Variants in HIP1R observed in about 807,000 individuals in gnomAD.
HIP1R encodes huntingtin-interacting protein 1-related protein.
In HIP1R, 135 loss-of-function variants were observed where a neutral mutation model predicts 144.2. The ratio of observed to expected loss-of-function variants is 0.94; its 90% CI spans 0.81 to 1.08. HIP1R has a LOEUF of 1.08. Ranked by LOEUF, HIP1R falls within the 50% of genes least tolerant of loss-of-function variation. The pLI, the probability that HIP1R is intolerant of heterozygous loss-of-function variation, is 0.00. For synonymous variants in HIP1R, 698 were observed against 612.8 expected, an observed-to-expected ratio of 1.14 and a Z score of -2.05; for missense variants, 1,462 against 1,432.8, an observed-to-expected ratio of 1.02 and a Z score of -0.33.
Position 122,855,734 on chromosome 12 carries a change from A to G in HIP1R, c.1056-97A>G. 2.7e-6 allele frequency: 4 copies of G among 1,504,020 alleles called. No individual in the cohort carries two copies. The South Asian group carries it at 3.6e-5, about 14-fold the overall frequency. The allele number at this position is 1,504,020 out of a possible 1,614,324, so 93.2% of individuals were successfully genotyped here. On this transcript the variant is annotated intron_variant, in intron 12 of 31. Transcript: ENST00000253083. Reference sequence around the variant, plus strand: ...GGAACATGAACCCGTGAGGTGCCCAAATCCTGAGTGGCCACTGAGGAGGAG... The same window carrying G: ...GGAACATGAACCCGTGAGGTGCCCAGATCCTGAGTGGCCACTGAGGAGGAG...
intron 1 of HIP1R, among the ~76,000 whole-genome samples, chr12:122,838,902 T>C (rs1385221154): frequency 6.6e-6 from 1 of 152,172 alleles, no homozygotes; most frequent in Admixed American, 6.5e-5. Flanking sequence ...GGCGAGGAAA[T>C]GGATTCTTCC....
chr12:122,837,616 G>A (rs544688339), intron 1 of HIP1R, among the ~76,000 whole-genome samples: 4 of 152,320 alleles, frequency 2.6e-5, no homozygotes, highest in African/African-American at 9.6e-5. Flanking sequence ...CTCTCCGAAG[G>A]TGGATTGTTT....
Position 122,857,021 on chromosome 12 carries a change from A to T in HIP1R, c.1621A>T (p.Ser541Cys). The change falls in exon 18 of 32, where the codon AGC becomes TGC. Residue 541 changes from serine (S) to cysteine (C), a missense_variant and splice_region_variant. By Grantham distance (112) the Ser-to-Cys change is moderately radical (BLOSUM62 -1). This residue lies in a region of HIP1R where 1,112 missense variants were observed against 1,011.7 expected (regional missense o/e 1.10). Coordinates refer to ENST00000253083, the MANE Select transcript of HIP1R (RefSeq NM_003959.3). Reference protein sequence around the residue: ...AQEALSHTEQSKSELSSRLDT... With the variant: ...AQEALSHTEQCKSELSSRLDT... ...GCCTGGTGTCCATGTCTGTCCACAGAGCAAGTCGGAGCTGAGCTCACGGCT... is the reference window on the plus strand; with the variant it reads ...GCCTGGTGTCCATGTCTGTCCACAGTGCAAGTCGGAGCTGAGCTCACGGCT... The T allele has an allele frequency of 6.5e-7, 1 of 1,548,774 alleles. No homozygotes were observed. Among genetic ancestry groups the T allele is most frequent in the Non-Finnish European group, 8.7e-7 (1 of 1,146,910 alleles).
At chr12:122,845,100 C>T (rs924162749) in intron 1 of HIP1R, among the ~76,000 whole-genome samples, 1 of 152,240 alleles carries the variant, frequency 6.6e-6, no homozygotes, top group African/African-American at 2.4e-5. Context: ...AGCGGAGCTG[C>T]GTCAAGGACA....
chr12:122,855,136 C>A lies in HIP1R; in HGVS notation c.852+8C>A. 6.2e-7 allele frequency: 1 copy of A among 1,613,414 alleles called. No individual in the cohort carries two copies. The highest frequency in any genetic ancestry group is 8.5e-7 in the Non-Finnish European group (1 of 1,179,932). ...ATCCCCCGGCTGCCCGAGGTACCAC[C>A]CCCAAGAGGGCCCCGAGGCCCTTTG... On this transcript the variant is annotated splice_region_variant and intron_variant, in intron 10 of 31. Transcript: ENST00000253083.
At chr12:122,861,214 G>A (rs534116239) in intron 30 of HIP1R, 22 bp downstream of exon 30, 67 of 1,392,604 alleles carry the variant, frequency 4.8e-5, no homozygotes, top group Middle Eastern at 3.8e-4. Context: ...TGGCTGCCCC[G>A]TGACCTCTGA....
chr12:122,858,789 G>C, intron 20 of HIP1R, 49 bp from the exon 21 acceptor site: 1 of 1,299,722 alleles, frequency 7.7e-7, no homozygotes, highest in Non-Finnish European at 1.1e-6. Flanking sequence ...CCCAGTGCTA[G>C]TGTCTCAGTG....
chr12:122,847,593 G>T (rs552337751), intron 1 of HIP1R, among the ~76,000 whole-genome samples: 1 of 152,322 alleles, frequency 6.6e-6, no homozygotes, highest in South Asian at 2.1e-4. Flanking sequence ...ACAATGTGAT[G>T]TGCACCCTTC....
Position 122,836,338 on chromosome 12 carries a change from A to G in HIP1R, c.93+695A>G, listed in dbSNP as rs769286412. On this transcript the variant is annotated intron_variant, in intron 1 of 31. Coordinates refer to ENST00000253083, the MANE Select transcript of HIP1R (RefSeq NM_003959.3). The surrounding 1 kb of genome is among the most constrained non-coding windows in gnomAD (Gnocchi z 4.1). The stretch of plus-strand genomic sequence containing the variant: ...CCCTCATTAAATACCGGCGCCCGAC[A>G]GACAGAAACTTCCTGGGGCTCCCTT... Among the ~76,000 whole-genome samples the G allele has an allele frequency of 1.1e-4, 16 of 152,160 alleles. No homozygotes were observed. The highest frequency in any genetic ancestry group is 1.9e-4 in the Non-Finnish European group (13 of 68,020).
Position 122,837,812 on chromosome 12 carries a change from G to A in HIP1R, c.93+2169G>A, listed in dbSNP as rs969374089. On this transcript the variant is annotated intron_variant, in intron 1 of 31. Transcript: ENST00000253083. ...GACTTATTGAGGAATGTAAGAATGA[G>A]GTTTTGTACGTGGTTAATATTTAAT... 3.9e-5 allele frequency among the ~76,000 whole-genome samples: 6 copies of A among 152,208 alleles called. No individual in the cohort carries two copies. In the East Asian group the frequency reaches 1.2e-3, roughly 29 times the overall value.
At chr12:122,853,105 T>C (rs2135661885) in intron 7 of HIP1R, among the ~76,000 whole-genome samples, 1 of 152,246 alleles carries the variant, frequency 6.6e-6, no homozygotes. Flanking sequence ...GCTGGCCAGC[T>C]GCCTGCTCTT....
At position 122,862,091 on chromosome 12, in the gene HIP1R, CCTA is replaced by C. The variant is rs2033788472; in HGVS notation, c.*340_*342del. 2 of 276,154 alleles carry C rather than the reference CCTA, an allele frequency of 7.2e-6. No homozygotes were observed. Among genetic ancestry groups the C allele is most frequent in the Non-Finnish European group, 1.4e-5 (2 of 147,510 alleles). The allele number at this position is 276,154 out of a possible 1,614,324, so 17.1% of individuals were successfully genotyped here. Reference sequence around the variant, plus strand: ...AATATTCCGAGCTAGAGCTCTTCTTCCTACGTTTGTAGTCAGCACACTGGGAAA... The same window carrying C: ...AATATTCCGAGCTAGAGCTCTTCTTCCGTTTGTAGTCAGCACACTGGGAAA... On this transcript the variant is annotated 3_prime_UTR_variant, in exon 32 of 32. Transcript: ENST00000253083.
Position 122,836,154 on chromosome 12 carries a change from A to G in HIP1R, c.93+511A>G, listed in dbSNP as rs1388705295. Among the ~76,000 whole-genome samples the G allele has an allele frequency of 6.6e-6, 1 of 151,000 alleles. No homozygotes were observed. Among genetic ancestry groups the G allele is most frequent in the African/African-American group, 2.4e-5 (1 of 40,986 alleles). ...CCCTGAAACCGATGCCCCCACGGGCAATTTCCTTAAAGGAAATTCCTTAAA... is the reference window on the plus strand; with the variant it reads ...CCCTGAAACCGATGCCCCCACGGGCGATTTCCTTAAAGGAAATTCCTTAAA... On this transcript the variant is annotated intron_variant, in intron 1 of 31. Transcript: ENST00000253083. The surrounding 1 kb of genome is among the most constrained non-coding windows in gnomAD (Gnocchi z 4.1).
At position 122,861,139 on chromosome 12, in the gene HIP1R, G is replaced by T; in HGVS notation, c.2899G>T (p.Asp967Tyr). Reference sequence around the variant, plus strand: ...TTGTCCTCCGGCCACAGACACCATGGATTTCTCCGGCCTGTCCCTCATCAA... The same window carrying T: ...TTGTCCTCCGGCCACAGACACCATGTATTTCTCCGGCCTGTCCCTCATCAA... Reference protein sequence around the residue: ...QEQIEDRDTMDFSGLSLIKLK... With the variant: ...QEQIEDRDTMYFSGLSLIKLK... The change falls in exon 30 of 32, where the codon GAT becomes TAT. Residue 967 changes from aspartate (D) to tyrosine (Y), a missense_variant. This residue lies in a region of HIP1R where 1,112 missense variants were observed against 1,011.7 expected (regional missense o/e 1.10). Transcript: ENST00000253083. The T allele has an allele frequency of 6.2e-7, 1 of 1,613,360 alleles. No homozygotes were observed. Among genetic ancestry groups the T allele is most frequent in the Non-Finnish European group, 8.5e-7 (1 of 1,179,986 alleles).
At position 122,856,098 on chromosome 12, in the gene HIP1R, T is replaced by C; in HGVS notation, c.1247T>C (p.Leu416Pro). 1 of 1,586,802 alleles carries C rather than the reference T, an allele frequency of 6.3e-7. No individual in the cohort carries two copies. The highest frequency in any genetic ancestry group is 8.6e-7 in the Non-Finnish European group (1 of 1,166,944). ...GATAATGAGCAGCTCCGCCACGAGC[T>C]GGCCCAGCTGAGGGCTGCCCAGCTG... is the stretch of plus-strand genomic sequence containing the variant. ...LVDNEQLRHE[L>P]AQLRAAQLEG... is the part of the protein sequence containing the mutation. The change falls in exon 14 of 32, where the codon CTG becomes CCG. Residue 416 changes from leucine (L) to proline (P), a missense_variant. Physicochemically the swap from Leu to Pro is moderately conservative, Grantham distance 98 (BLOSUM62 -3). This residue lies in a region of HIP1R where 1,112 missense variants were observed against 1,011.7 expected (regional missense o/e 1.10). Transcript: ENST00000253083.
In HIP1R at chr12:122,850,949, C is replaced by T. The variant is rs142378227; in HGVS notation, c.515+38C>T. ...GCATGGCTACATAGCCAGTTCCCCT[C>T]GGCTTCCCCATTCCTTCCTACCGCG... is the stretch of plus-strand genomic sequence containing the variant. On this transcript the variant is annotated intron_variant, in intron 6 of 31. Coordinates refer to ENST00000253083, the MANE Select transcript of HIP1R (RefSeq NM_003959.3). The T allele has an allele frequency of 4.3e-4, 673 of 1,564,876 alleles. 1 individual carries two copies. The East Asian group carries it at 5.9e-3, about 14-fold the overall frequency.
At chr12:122,842,203 C>T (rs1042047049) in intron 1 of HIP1R, among the ~76,000 whole-genome samples, 2 of 152,238 alleles carry the variant, frequency 1.3e-5, no homozygotes, top group East Asian at 1.9e-4. Context: ...GCTCTGCCAG[C>T]GTCCGTCCGT....
At chr12:122,855,161 G>T (rs763067680) in intron 10 of HIP1R, 33 bp downstream of exon 10, 1 of 1,610,004 alleles carries the variant, frequency 6.2e-7, no homozygotes, top group South Asian at 1.1e-5. Context: ...GAGGCCCTTT[G>T]AGGACCCCAG....
In HIP1R at chr12:122,856,544, T is replaced by G; in HGVS notation, c.1514T>G (p.Leu505Trp). Residue 505 changes from leucine to tryptophan, a missense_variant, in exon 16 of 32, where the codon TTG becomes TGG. Transcript: ENST00000253083. ...GAGCAGGTGAAGCGGGAGTCGGAGT[T>G]GAAGGTATGTCCCTTGTGGCACAGG... ...QVEQVKRESE[L>W]KLEEKSDQLE... 1 of 1,600,758 alleles carries G rather than the reference T, an allele frequency of 6.2e-7. No individual in the cohort carries two copies. Among genetic ancestry groups the G allele is most frequent in the Non-Finnish European group, 8.5e-7 (1 of 1,173,600 alleles).
Sources: gnomAD v4.1 joint callset for allele counts (sites outside exome capture counted in the v4.1 genomes callset) on GRCh38, gnomAD v4.1.1 for gene constraint, gnomAD v4.1.1 regional missense constraint, Gnocchi (gnomAD v3.1) non-coding constraint, MANE v1.5 for transcripts, NCBI Gene and HGNC (gene_info 2026-07-23, HGNC 2026-07-21) for gene names.